The following BRD3 variants were observed in gnomAD, a reference collection of about 807,000 sequenced individuals.
The protein encoded by BRD3 is bromodomain containing 3, also known as bromodomain-containing protein 3.
A neutral mutation model predicts 66.8 loss-of-function variants in BRD3; 17 were observed. The ratio of observed to expected loss-of-function variants is 0.25; its 90% CI spans 0.17 to 0.38. The LOEUF is 0.38. BRD3 is among the 10% of genes least tolerant of loss of function. The pLI is 1.00. For synonymous variants in BRD3, 421 were observed against 393.2 expected (o/e 1.07, Z -0.84); for missense variants, 713 against 956.1 (o/e 0.75, Z 3.35).
intron 9 of BRD3, among the ~76,000 whole-genome samples, chr9:134,037,722 A>G (rs1465805422): frequency 6.6e-6 from 1 of 152,150 alleles, no homozygotes; most frequent in Admixed American, 6.5e-5. Context: ...TTTTAAAAAC[A>G]TCAATGAAAT....
chr9:134,057,184 A>G (rs1395602682), intron 1 of BRD3: 1 of 152,256 alleles, frequency 6.6e-6, no homozygotes, highest in African/African-American at 2.4e-5. Flanking sequence ...AGGCTTCCAC[A>G]AAGAAATTAC....
At chr9:134,046,499 G>A (rs906229180) in intron 6 of BRD3, among the ~76,000 whole-genome samples, 3 of 152,184 alleles carry the variant, frequency 2.0e-5, no homozygotes, top group African/African-American at 7.2e-5. Flanking sequence ...CTCAGGGCCC[G>A]TACCCTATGC....
chr9:134,046,350 C>T (rs972076683), intron 6 of BRD3, among the ~76,000 whole-genome samples: 5 of 152,210 alleles, frequency 3.3e-5, no homozygotes, highest in Non-Finnish European at 7.3e-5. Flanking sequence ...GGAGAGGCAC[C>T]TTGTCGGGGA....
chr9:134,052,234 G>T lies in BRD3; in HGVS notation c.351+72C>A, dbSNP rs1339106311. ...GCCTGCCCAAGAGCTGCTGCAAAGCGCCCAGGCCCACTGCGTTGCACAGCG... is the reference window on the plus strand; with the variant it reads ...GCCTGCCCAAGAGCTGCTGCAAAGCTCCCAGGCCCACTGCGTTGCACAGCG... On this transcript the variant is annotated intron_variant, in intron 3 of 11. Transcript: ENST00000303407. 10 of 1,569,374 alleles carry T rather than the reference G, an allele frequency of 6.4e-6. 1 individual carries two copies. The East Asian group carries it at 1.3e-4, about 21-fold the overall frequency.
chr9:134,037,489 T>G (rs927920478), intron 9 of BRD3, among the ~76,000 whole-genome samples: 3 of 152,100 alleles, frequency 2.0e-5, no homozygotes, highest in Non-Finnish European at 4.4e-5. Context: ...GAGAATCACT[T>G]GAACCCTGGA....
In BRD3 at chr9:134,032,275, C is replaced by G. The variant is rs1433536966; in HGVS notation, c.*1315G>C. On this transcript the variant is annotated 3_prime_UTR_variant, in exon 12 of 12. Transcript: ENST00000303407. ...TAGATTTACTATACATTTTTTCTCTCAGATTACAAAGTTTATATTATATAA... is the reference window on the plus strand; with the variant it reads ...TAGATTTACTATACATTTTTTCTCTGAGATTACAAAGTTTATATTATATAA... 4.6e-6 allele frequency: 1 copy of G among 218,338 alleles called. No homozygotes were observed. The highest frequency in any genetic ancestry group is 9.2e-6 in the Non-Finnish European group (1 of 108,940). 13.5% of individuals were successfully genotyped at this position (218,338 alleles called of 1,614,324 possible).
At position 134,033,125 on chromosome 9, in the gene BRD3, G is replaced by C. The variant is rs199553935; in HGVS notation, c.*465C>G. The C allele has an allele frequency of 2.5e-6, 1 of 399,458 alleles. No homozygotes were observed. The highest frequency in any genetic ancestry group is 2.1e-5 in the African/African-American group (1 of 48,612). 24.7% of individuals were successfully genotyped at this position (399,458 alleles called of 1,614,324 possible). On this transcript the variant is annotated 3_prime_UTR_variant, in exon 12 of 12. Coordinates refer to ENST00000303407, the MANE Select transcript of BRD3 (RefSeq NM_007371.4). This position sits in a 1 kb window ranked among gnomAD's most constrained non-coding sequence, Gnocchi z 5.1. ...AGAAAGAGGTGGCCGCGTCAGACAC[G>C]AGGGTCAGAGCTCGGGGCCCAAATG...
At chr9:134,054,684 A>C (rs1830378002) in intron 1 of BRD3, among the ~76,000 whole-genome samples, 1 of 152,148 alleles carries the variant, frequency 6.6e-6, no homozygotes, top group South Asian at 2.1e-4. Flanking sequence ...AGAACCGGCC[A>C]CTTGTAGACG....
At chr9:134,066,342 G>T (rs1161496661) in intron 1 of BRD3, among the ~76,000 whole-genome samples, 2 of 152,122 alleles carry the variant, frequency 1.3e-5, no homozygotes, top group African/African-American at 4.8e-5. Context: ...CAGAGAAAAC[G>T]GCAAACACAG....
intron 1 of BRD3, among the ~76,000 whole-genome samples, chr9:134,065,942 G>A (rs948907893): frequency 6.6e-6 from 1 of 152,186 alleles, no homozygotes; most frequent in Non-Finnish European, 1.5e-5. Flanking sequence ...CACTTTCTGG[G>A]TATGACTACT....
intron 6 of BRD3, among the ~76,000 whole-genome samples, chr9:134,046,228 G>T (rs1171740930): frequency 6.6e-6 from 1 of 152,242 alleles, no homozygotes; most frequent in East Asian, 1.9e-4. Context: ...GTGGCCAGAG[G>T]CAGGATCGTC....
intron 2 of BRD3, 81 bp from the exon 3 acceptor site, chr9:134,052,524 C>G: frequency 1.3e-6 from 2 of 1,484,544 alleles, no homozygotes; most frequent in Non-Finnish European, 1.8e-6. Flanking sequence ...ACAGCCCGAC[C>G]TTCCCAAGTG....
At chr9:134,040,537 G>C (rs1032277099) in intron 8 of BRD3, among the ~76,000 whole-genome samples, 4 of 152,200 alleles carry the variant, frequency 2.6e-5, no homozygotes, top group African/African-American at 9.7e-5. Flanking sequence ...GGCACAACAG[G>C]GACTCGGTGA....
At chr9:134,052,165 T>C in intron 3 of BRD3, 141 bp downstream of exon 3, 6 of 1,072,408 alleles carry the variant, frequency 5.6e-6, no homozygotes, top group Non-Finnish European at 7.9e-6. Flanking sequence ...AGTGCTGGGA[T>C]TACAGGTGTG....
intron 5 of BRD3, 95 bp downstream of exon 5, chr9:134,050,279 G>A: frequency 3.4e-6 from 4 of 1,187,962 alleles, no homozygotes; most frequent in Non-Finnish European, 4.8e-6. Context: ...AGCACTCAGG[G>A]AAAGGTGGGG....
Position 134,053,328 on chromosome 9 carries a change from G to A in BRD3, c.150C>T (p.Leu50=), listed in dbSNP as rs763815443. ...AGGGCCAGGCGAACTGGTGTTTCCA[G>A]AGCGTCTTCACCACCACATTCTGCA... is the stretch of plus-strand genomic sequence containing the variant. ...QYMQNVVVKT[L]WKHQFAWPFY... Residue 50 remains leucine, a synonymous_variant, in exon 2 of 12, where the codon CTC becomes CTT. Transcript: ENST00000303407. The A allele has an allele frequency of 1.9e-6, 3 of 1,613,724 alleles. No individual in the cohort carries two copies. Among genetic ancestry groups the A allele is most frequent in the South Asian group, 1.1e-5 (1 of 91,086 alleles).
intron 1 of BRD3, chr9:134,056,010 T>A (rs1830415486): frequency 6.6e-6 from 1 of 152,140 alleles, no homozygotes; most frequent in Admixed American, 6.5e-5. Context: ...GACACCGGAG[T>A]GCATGCCTCG....
rs777297159 is a variant in BRD3 at position 134,036,185 on chromosome 9, C to T, written c.1783G>A (p.Val595Ile). Residue 595 changes from valine (V) to isoleucine (I), a missense_variant, in exon 10 of 12, where the codon GTA becomes ATA. Physicochemically the swap from Val to Ile is conservative, Grantham distance 29. Coordinates refer to ENST00000303407, the MANE Select transcript of BRD3 (RefSeq NM_007371.4). ...NRLPGEKLGR[V>I]VHIIQSREPS... ...TCCCGAGATTGGATGATGTGCACTA[C>T]CCGGCCCAGCTTCTCCCCGGGCAGC... 1.2e-6 allele frequency: 2 copies of T among 1,614,230 alleles called. No individual in the cohort carries two copies. Among genetic ancestry groups the T allele is most frequent in the Admixed American group, 1.7e-5 (1 of 60,032 alleles).
intron 5 of BRD3, 29 bp downstream of exon 5, chr9:134,050,345 C>T (rs773367796): frequency 1.9e-6 from 3 of 1,594,222 alleles, no homozygotes; most frequent in South Asian, 2.2e-5. Flanking sequence ...GGCTCAGGTG[C>T]CCCACCCATC....
Sources: allele counts gnomAD v4.1 joint callset (sites outside exome capture counted in the v4.1 genomes callset), GRCh38; gene constraint gnomAD v4.1.1; non-coding constraint Gnocchi (gnomAD v3.1); transcripts MANE v1.5; gene names NCBI Gene and HGNC (gene_info 2026-07-23, HGNC 2026-07-21).